The following SRPK1 variants were observed in gnomAD, a reference collection of about 807,000 sequenced individuals.
SRPK1 encodes the protein SRSF protein kinase 1.
Under a neutral mutation model 89.5 loss-of-function variants are expected in SRPK1, and 52 were observed. The observed-to-expected ratio is 0.58, with a 90% CI of 0.46 to 0.73. The LOEUF (loss-of-function observed/expected upper bound fraction) is 0.73, where lower values mean the gene tolerates loss of function less well. Ranked by LOEUF, SRPK1 falls within the 30% of genes least tolerant of loss-of-function variation. SRPK1 has a pLI of 0.00. For synonymous variants in SRPK1, 255 were observed against 270.2 expected, an observed-to-expected ratio of 0.94 and a Z score of 0.55; for missense variants, 603 against 780.6, an observed-to-expected ratio of 0.77 and a Z score of 2.71.
At chr6:35,841,446 C>T (rs112882978) in intron 14 of SRPK1, among the ~76,000 whole-genome samples, 32 of 152,192 alleles carry the variant, frequency 2.1e-4, no homozygotes, top group African/African-American at 7.5e-4. Context: ...AAGTAAAGAA[C>T]ATGCTCTACA....
At chr6:35,907,489 T>C (rs749146207) in intron 2 of SRPK1, among the ~76,000 whole-genome samples, 1 of 152,162 alleles carries the variant, frequency 6.6e-6, no homozygotes, top group Non-Finnish European at 1.5e-5. Context: ...GTGGATCACC[T>C]GAGATCAGGA....
chr6:35,907,217 A>G (rs1374116562), intron 2 of SRPK1, among the ~76,000 whole-genome samples: 1 of 152,096 alleles, frequency 6.6e-6, no homozygotes, highest in Non-Finnish European at 1.5e-5. Flanking sequence ...GAAACTTTTC[A>G]AACAAAGGCA....
chr6:35,907,387 T>C (rs535131636), intron 2 of SRPK1, among the ~76,000 whole-genome samples: 1 of 152,324 alleles, frequency 6.6e-6, no homozygotes, highest in Admixed American at 6.5e-5. Context: ...TAAAATAATA[T>C]GATGCCTGGG....
At chr6:35,873,394 G>A (rs1770076852) in intron 7 of SRPK1, among the ~76,000 whole-genome samples, 1 of 152,168 alleles carries the variant, frequency 6.6e-6, no homozygotes, top group African/African-American at 2.4e-5. Flanking sequence ...ATTATAGGAG[G>A]CAAACCTGGG....
intron 1 of SRPK1, chr6:35,920,843 G>C (rs675664): frequency 0.31 from 163,788 of 523,702 alleles, 26,931 homozygotes; most frequent in South Asian, 0.42. Context: ...GGGCGGCTAC[G>C]GCCGGCGCCA....
chr6:35,895,088 C>G (rs975947408), intron 2 of SRPK1, among the ~76,000 whole-genome samples: 2 of 151,856 alleles, frequency 1.3e-5, no homozygotes, highest in African/African-American at 4.8e-5. Flanking sequence ...CTGGAGGAAT[C>G]TAACAATATG....
rs144187619 is a variant in SRPK1 at position 35,916,794 on chromosome 6, C to T, written c.74+3674G>A. Among the ~76,000 whole-genome samples, 262 of 152,304 alleles carry T rather than the reference C, an allele frequency of 1.7e-3. 6 individuals are homozygous for T. The South Asian group carries it at 0.026, about 15-fold the overall frequency. ...GACATATAGGTCAGGCACGGTAGCT[C>T]ACACCTGTAATACCAGCACTATGAG... On this transcript the variant is annotated intron_variant, in intron 2 of 15. Coordinates refer to ENST00000373825, the MANE Select transcript of SRPK1 (RefSeq NM_003137.5).
intron 10 of SRPK1, 41 bp from the exon 11 acceptor site, chr6:35,869,942 T>C: frequency 1.3e-6 from 2 of 1,498,884 alleles, no homozygotes; most frequent in South Asian, 2.8e-5. Context: ...TGCATATGTG[T>C]GTGAGTGAAA....
At position 35,885,737 on chromosome 6, in the gene SRPK1, T is replaced by C. The variant is rs1182973742; in HGVS notation, c.478+987A>G. ...CCAATCTAAGTAAGATTCGACTTCA[T>C]CTTTTACTGAAAAATCTGATTGACC... On this transcript the variant is annotated intron_variant, in intron 6 of 15. Transcript: ENST00000373825. Among the ~76,000 whole-genome samples the C allele has an allele frequency of 2.6e-5, 4 of 152,234 alleles. No individual in the cohort carries two copies. The East Asian group carries it at 7.7e-4, about 29-fold the overall frequency.
chr6:35,854,912 T>C (rs942365424), intron 13 of SRPK1, among the ~76,000 whole-genome samples: 1 of 152,158 alleles, frequency 6.6e-6, no homozygotes, highest in Non-Finnish European at 1.5e-5. Context: ...AGCTTTAAAG[T>C]GTGGCAAGAA....
intron 13 of SRPK1, among the ~76,000 whole-genome samples, chr6:35,855,886 C>A (rs1251431205): frequency 6.6e-6 from 1 of 152,178 alleles, no homozygotes; most frequent in Admixed American, 6.5e-5. Flanking sequence ...AGGCATGCAC[C>A]ACCACGTCTG....
chr6:35,844,315 A>T (rs6909895), intron 13 of SRPK1, among the ~76,000 whole-genome samples: 70,413 of 151,972 alleles, frequency 0.46, 18,225 homozygotes, highest in African/African-American at 0.7. Context: ...CAGCAGTTTT[A>T]AAAAATGACC....
chr6:35,838,839 G>T, intron 14 of SRPK1: 1 of 1,355,322 alleles, frequency 7.4e-7, no homozygotes. Context: ...AGGACAAGCT[G>T]TAAAAGAGGT....
chr6:35,916,225 C>CAAATAAATAAAT (rs34486563), intron 2 of SRPK1, among the ~76,000 whole-genome samples: 14 of 143,172 alleles, frequency 9.8e-5, no homozygotes, highest in African/African-American at 1.6e-4. Context: ...GACTCTGCCT[C>CAAATAAATAAAT]AAATAAATAA....
intron 13 of SRPK1, among the ~76,000 whole-genome samples, chr6:35,852,254 C>CA (rs1271715256): frequency 2.0e-5 from 3 of 152,178 alleles, no homozygotes; most frequent in Non-Finnish European, 4.4e-5. Context: ...AGCAAATACC[C>CA]AGCTCTCCTT....
chr6:35,874,456 G>T, intron 6 of SRPK1, 117 bp from the exon 7 acceptor site: 1 of 692,578 alleles, frequency 1.4e-6, no homozygotes, highest in South Asian at 1.8e-5. Context: ...AAAAGTTACA[G>T]AGCTTGAATG....
At chr6:35,905,375 T>C (rs1251770431) in intron 2 of SRPK1, among the ~76,000 whole-genome samples, 3 of 152,122 alleles carry the variant, frequency 2.0e-5, no homozygotes, top group Admixed American at 1.3e-4. Context: ...GTCTTACTCA[T>C]AGTATGCTTC....
At position 35,834,561 on chromosome 6, in the gene SRPK1, G is replaced by C. The variant is rs1233916368; in HGVS notation, c.*743C>G. 6.6e-6 allele frequency: 1 copy of C among 152,116 alleles called. No homozygotes were observed. The highest frequency in any genetic ancestry group is 1.5e-5 in the Non-Finnish European group (1 of 68,024). 9.4% of individuals were successfully genotyped at this position (152,116 alleles called of 1,614,324 possible). A position where few individuals can be genotyped will look rare whatever the true frequency, so the allele number is the denominator to read the frequency against. On this transcript the variant is annotated 3_prime_UTR_variant, in exon 16 of 16. Coordinates refer to ENST00000373825, the MANE Select transcript of SRPK1 (RefSeq NM_003137.5). ...TAACTCTGGTCTTAGGGTAATAGAA[G>C]ACATACAGGAAAGGACTGTTTATAG...
intron 15 of SRPK1, among the ~76,000 whole-genome samples, chr6:35,835,881 T>C (rs1769167488): frequency 6.6e-6 from 1 of 152,204 alleles, no homozygotes; most frequent in African/African-American, 2.4e-5. Flanking sequence ...ATACTCTTTT[T>C]TTGTGTATGT....
Sources: allele counts gnomAD v4.1 joint callset (sites outside exome capture counted in the v4.1 genomes callset), GRCh38; gene constraint gnomAD v4.1.1; transcripts MANE v1.5; gene names NCBI Gene and HGNC (gene_info 2026-07-23, HGNC 2026-07-21).